CCDC180: variants seen among roughly 807,000 people sequenced by gnomAD.
CCDC180 encodes the protein coiled-coil domain-containing protein 180.
CCDC180 carries 154 observed loss-of-function variants against 209.2 expected under a neutral mutation model. That is an observed-to-expected ratio of 0.74 (90% CI 0.65 to 0.84). CCDC180 has a LOEUF of 0.84. CCDC180 is among the 40% of genes least tolerant of loss of function. CCDC180 has a pLI of 0.00. For synonymous variants in CCDC180, 778 were observed against 749.1 expected (o/e 1.04, Z -0.63); for missense variants, 1,874 against 1,997.3 (o/e 0.94, Z 1.18).
chr9:97,353,061 G>T (rs930867367), intron 22 of CCDC180, among the ~76,000 whole-genome samples: 1 of 151,976 alleles, frequency 6.6e-6, no homozygotes, highest in African/African-American at 2.4e-5. Context: ...CAGTGGCACA[G>T]TCTCCACTTA....
chr9:97,341,717 G>A (rs1164496061), intron 18 of CCDC180, among the ~76,000 whole-genome samples: 1 of 152,246 alleles, frequency 6.6e-6, no homozygotes, highest in East Asian at 1.9e-4. Flanking sequence ...TTTCAGAGCT[G>A]TCTGACAGGG....
intron 28 of CCDC180, 86 bp from the exon 29 acceptor site, chr9:97,363,965 G>C (rs1826840570): frequency 7.2e-7 from 1 of 1,381,662 alleles, no homozygotes. Flanking sequence ...AATGCCTCCA[G>C]AAACCCAGGC....
At chr9:97,374,760 T>TTG in intron 35 of CCDC180, 112 bp downstream of exon 35, 4 of 787,550 alleles carry the variant, frequency 5.1e-6, no homozygotes, top group Non-Finnish European at 8.3e-6. Flanking sequence ...GGGAAAGGCA[T>TTG]TGTGTTCTGA....
chr9:97,377,201 T>G lies in CCDC180; in HGVS notation c.*307T>G. ...AGGACATCACCTCCAAACAGCATGCTGGGCAGGGCACGTCATCTTGAAAAA... is the reference window on the plus strand; with the variant it reads ...AGGACATCACCTCCAAACAGCATGCGGGGCAGGGCACGTCATCTTGAAAAA... On this transcript the variant is annotated 3_prime_UTR_variant, in exon 37 of 37. Coordinates refer to ENST00000529487, the MANE Select transcript of CCDC180 (RefSeq NM_020893.6). The G allele has an allele frequency of 4.7e-6, 1 of 214,348 alleles. No homozygotes were observed. The highest frequency in any genetic ancestry group is 9.3e-6 in the Non-Finnish European group (1 of 107,502). 13.3% of individuals were successfully genotyped at this position (214,348 alleles called of 1,614,324 possible). A position where few individuals can be genotyped will look rare whatever the true frequency, so the allele number is the denominator to read the frequency against.
In CCDC180 at chr9:97,344,722, A is replaced by G. The variant is rs537766199; in HGVS notation, c.2498+1159A>G. ...CTTATGACTAACCAGAAAAAAAATTATCTGTCCAACTGATTGGGTTTGCAT... is the reference window on the plus strand; with the variant it reads ...CTTATGACTAACCAGAAAAAAAATTGTCTGTCCAACTGATTGGGTTTGCAT... On this transcript the variant is annotated intron_variant, in intron 19 of 36. Coordinates refer to ENST00000529487, the MANE Select transcript of CCDC180 (RefSeq NM_020893.6). Among the ~76,000 whole-genome samples, 18 of 152,296 alleles carry G rather than the reference A, an allele frequency of 1.2e-4. No individual in the cohort carries two copies. The South Asian group carries it at 1.4e-3, about 12-fold the overall frequency.
chr9:97,363,731 G>GTT, intron 28 of CCDC180: 8 of 501,954 alleles, frequency 1.6e-5, no homozygotes, highest in Admixed American at 2.6e-5. Flanking sequence ...GTGGCTCAAT[G>GTT]TTTTTTTTTC....
chr9:97,347,216 A>ATG, intron 19 of CCDC180, 98 bp from the exon 20 acceptor site: 1 of 1,162,094 alleles, frequency 8.6e-7, no homozygotes, highest in Non-Finnish European at 1.2e-6. Context: ...GAAATGAAGA[A>ATG]TGAGTGAAAG....
At chr9:97,328,511 C>A (rs1039334895) in intron 16 of CCDC180, among the ~76,000 whole-genome samples, 1 of 152,176 alleles carries the variant, frequency 6.6e-6, no homozygotes, top group Non-Finnish European at 1.5e-5. Context: ...CCCACCAAAT[C>A]CAACTTACAG....
At chr9:97,338,511 A>C (rs1825978440) in intron 18 of CCDC180, among the ~76,000 whole-genome samples, 1 of 152,186 alleles carries the variant, frequency 6.6e-6, no homozygotes, top group Non-Finnish European at 1.5e-5. Flanking sequence ...ATTTGATTGC[A>C]CTGTGGTCTG....
chr9:97,370,929 T>TTGG lies in CCDC180; in HGVS notation c.4488+152_4488+154dup, dbSNP rs1272676731. 9.2e-6 allele frequency: 5 copies of TTGG among 540,696 alleles called. No individual in the cohort carries two copies. The South Asian group carries it at 1.3e-4, about 14-fold the overall frequency. The allele number at this position is 540,696 out of a possible 1,614,324, so 33.5% of individuals were successfully genotyped here. A position where few individuals can be genotyped will look rare whatever the true frequency, so the allele number is the denominator to read the frequency against. On this transcript the variant is annotated intron_variant, in intron 33 of 36. Coordinates refer to ENST00000529487, the MANE Select transcript of CCDC180 (RefSeq NM_020893.6). ...GTTTTGTAGGTAAAAATGGCCATTA[T>TTGG]TGGCTGTTTTAACTTGTATACTTTT...
At chr9:97,329,790 T>C (rs1441481420) in intron 16 of CCDC180, among the ~76,000 whole-genome samples, 3 of 152,154 alleles carry the variant, frequency 2.0e-5, no homozygotes, top group Non-Finnish European at 4.4e-5. Context: ...CACTCTGGGC[T>C]GGGTGCGGTG....
intron 19 of CCDC180, among the ~76,000 whole-genome samples, chr9:97,344,846 G>A (rs987151397): frequency 6.6e-6 from 1 of 152,148 alleles, no homozygotes; most frequent in Non-Finnish European, 1.5e-5. Context: ...AAGCCCACAA[G>A]AAATAGAACC....
intron 3 of CCDC180, among the ~76,000 whole-genome samples, chr9:97,311,840 C>T (rs1404756572): frequency 6.6e-6 from 1 of 152,148 alleles, no homozygotes; most frequent in Non-Finnish European, 1.5e-5. Flanking sequence ...GCTCATCATC[C>T]ACACTTGACC....
intron 26 of CCDC180, among the ~76,000 whole-genome samples, chr9:97,361,048 G>A (rs1297191037): frequency 6.6e-6 from 1 of 152,212 alleles, no homozygotes; most frequent in Non-Finnish European, 1.5e-5. Flanking sequence ...GGGGCTCCAA[G>A]GGTCTAGCGT....
At chr9:97,344,818 T>C (rs1321390108) in intron 19 of CCDC180, among the ~76,000 whole-genome samples, 2 of 152,186 alleles carry the variant, frequency 1.3e-5, no homozygotes, top group Non-Finnish European at 2.9e-5. Flanking sequence ...TGCCCAAATA[T>C]GACACAGTTG....
rs1373975503 is a variant in CCDC180 at position 97,361,908 on chromosome 9, C to T, written c.3656+10C>T. Reference sequence around the variant, plus strand: ...TCAGGAAGCTCCTGCAGTGAGTGGCCCCAGGGTGCACCTAAGGCTCTGCCA... The same window carrying T: ...TCAGGAAGCTCCTGCAGTGAGTGGCTCCAGGGTGCACCTAAGGCTCTGCCA... On this transcript the variant is annotated intron_variant, in intron 27 of 36. Transcript: ENST00000529487. The T allele has an allele frequency of 9.3e-6, 15 of 1,613,048 alleles. No homozygotes were observed. Among genetic ancestry groups the T allele is most frequent in the African/African-American group, 5.3e-5 (4 of 75,002 alleles).
At chr9:97,362,134 C>T in intron 27 of CCDC180, 62 bp from the exon 28 acceptor site, 2 of 1,564,834 alleles carry the variant, frequency 1.3e-6, no homozygotes, top group Non-Finnish European at 8.7e-7. Flanking sequence ...CTGCTCAGAG[C>T]CTGGCCTGAG....
chr9:97,343,696 TA>T lies in CCDC180; in HGVS notation c.2498+134del, dbSNP rs371229833. On this transcript the variant is annotated intron_variant, in intron 19 of 36. Transcript: ENST00000529487. ...AAAAATGTAGGTAACTGAAGGAAGGTAGGGGTGAGAAACACAATAAAAAATG... is the reference window on the plus strand; with the variant it reads ...AAAAATGTAGGTAACTGAAGGAAGGTGGGGTGAGAAACACAATAAAAAATG... 159 of 689,236 alleles carry T rather than the reference TA, an allele frequency of 2.3e-4. 1 individual carries two copies. In the South Asian group the frequency reaches 2.7e-3, roughly 12 times the overall value. The allele number at this position is 689,236 out of a possible 1,614,324, so 42.7% of individuals were successfully genotyped here. A position where few individuals can be genotyped will look rare whatever the true frequency, so the allele number is the denominator to read the frequency against.
At chr9:97,348,980 G>C (rs866929721) in intron 20 of CCDC180, 131 bp from the exon 21 acceptor site, 1 of 827,878 alleles carries the variant, frequency 1.2e-6, no homozygotes, top group African/African-American at 1.7e-5. Flanking sequence ...GCAGGACAAG[G>C]GGCCTTGACC....
Sources: allele counts gnomAD v4.1 joint callset (sites outside exome capture counted in the v4.1 genomes callset), GRCh38; gene constraint gnomAD v4.1.1; transcripts MANE v1.5; gene names NCBI Gene and HGNC (gene_info 2026-07-23, HGNC 2026-07-21).